The following MYO7B variants were observed in gnomAD, a reference collection of about 807,000 sequenced individuals.
The protein encoded by MYO7B is unconventional myosin-VIIb.
MYO7B carries 212 observed loss-of-function variants against 259.7 expected under a neutral mutation model. The ratio of observed to expected loss-of-function variants is 0.82; its 90% CI spans 0.73 to 0.91. The LOEUF (loss-of-function observed/expected upper bound fraction) is 0.91, where lower values mean the gene tolerates loss of function less well. MYO7B is among the 40% of genes least tolerant of loss of function. The pLI is 0.00. For missense variants in MYO7B, 2,732 were observed against 2,813.5 expected (o/e 0.97, Z 0.66); for synonymous variants, 1,197 against 1,166.4 (o/e 1.03, Z -0.54).
chr2:127,629,580 C>T (rs1366811603), intron 34 of MYO7B, 65 bp from the exon 35 acceptor site: 3 of 1,503,616 alleles, frequency 2.0e-6, no homozygotes, highest in African/African-American at 1.4e-5. Flanking sequence ...AGATGACCCA[C>T]AAAATTCCAG....
chr2:127,616,827 G>A (rs891479505), intron 26 of MYO7B, among the ~76,000 whole-genome samples: 35 of 152,248 alleles, frequency 2.3e-4, no homozygotes, highest in African/African-American at 8.4e-4. Flanking sequence ...CCGACAGGGG[G>A]GTGCCATTTT....
intron 1 of MYO7B, among the ~76,000 whole-genome samples, chr2:127,545,482 G>A (rs1693191470): frequency 6.6e-6 from 1 of 152,208 alleles, no homozygotes; most frequent in African/African-American, 2.4e-5. Context: ...AAGTTACCTA[G>A]CCTCGAGCAG....
intron 1 of MYO7B, among the ~76,000 whole-genome samples, chr2:127,551,094 T>G (rs1178102407): frequency 6.6e-6 from 1 of 150,492 alleles, no homozygotes; most frequent in Non-Finnish European, 1.5e-5. Flanking sequence ...GGGGTGGGGC[T>G]TAAACAATGG....
chr2:127,629,508 T>A (rs925997710), intron 34 of MYO7B, 137 bp from the exon 35 acceptor site: 1 of 778,646 alleles, frequency 1.3e-6, no homozygotes, highest in Non-Finnish European at 2.0e-6. Context: ...AGTCCCACCA[T>A]CGCTCACTCT....
At chr2:127,555,087 A>G (rs557378290) in intron 1 of MYO7B, among the ~76,000 whole-genome samples, 1 of 151,964 alleles carries the variant, frequency 6.6e-6, no homozygotes, top group East Asian at 1.9e-4. Flanking sequence ...AGCTGGGATT[A>G]CAGGTGCCCA....
chr2:127,594,772 C>T (rs939632143), intron 18 of MYO7B, among the ~76,000 whole-genome samples: 4 of 152,082 alleles, frequency 2.6e-5, no homozygotes, highest in African/African-American at 4.8e-5. Context: ...TGGTGAATTA[C>T]GTGTATTGAT....
rs547644596 is a variant in MYO7B at position 127,607,518 on chromosome 2, C to T, written c.2643+94C>T. On this transcript the variant is annotated intron_variant, in intron 21 of 47. Coordinates refer to ENST00000409816, the MANE Select transcript of MYO7B (RefSeq NM_001393586.1). The surrounding 1 kb of genome is among the most constrained non-coding windows in gnomAD (Gnocchi z 4.4). Reference sequence around the variant, plus strand: ...AGTGAGCGGCTGTGTAGAGAGCTCACCAGAAGCGCTTTGGAAAATCCCCCC... The same window carrying T: ...AGTGAGCGGCTGTGTAGAGAGCTCATCAGAAGCGCTTTGGAAAATCCCCCC... The T allele has an allele frequency of 1.4e-3, 1,518 of 1,115,356 alleles. 3 individuals are homozygous for T. Among genetic ancestry groups the T allele is most frequent in the Non-Finnish European group, 1.7e-3 (1,314 of 789,440 alleles). 69.1% of individuals were successfully genotyped at this position (1,115,356 alleles called of 1,614,324 possible).
At chr2:127,579,335 T>C (rs1182510199) in intron 9 of MYO7B, among the ~76,000 whole-genome samples, 7 of 152,176 alleles carry the variant, frequency 4.6e-5, no homozygotes, top group Non-Finnish European at 1.0e-4. Flanking sequence ...TCTAGAGCAA[T>C]GGGGTGTCCA....
chr2:127,558,539 T>C (rs1373369392), intron 1 of MYO7B, among the ~76,000 whole-genome samples: 1 of 152,190 alleles, frequency 6.6e-6, no homozygotes, highest in Non-Finnish European at 1.5e-5. Flanking sequence ...AAAAGATACT[T>C]GCACGCACAT....
At chr2:127,566,603 G>C in intron 4 of MYO7B, 40 bp from the exon 5 acceptor site, 1 of 1,510,994 alleles carries the variant, frequency 6.6e-7, no homozygotes, top group Middle Eastern at 2.1e-4. Context: ...GAGTACCTCT[G>C]CCAGGGGCAG....
chr2:127,551,282 A>G (rs758863220), intron 1 of MYO7B, among the ~76,000 whole-genome samples: 1 of 152,218 alleles, frequency 6.6e-6, no homozygotes, highest in Non-Finnish European at 1.5e-5. Flanking sequence ...GTTGTTGACT[A>G]TAAAATTGTC....
rs1351203221 is a variant in MYO7B at position 127,538,402 on chromosome 2, G to C, written c.-24+2571G>C. On this transcript the variant is annotated intron_variant, in intron 1 of 47. Transcript: ENST00000409816. Reference sequence around the variant, plus strand: ...GTGTGGCTAGTGCAACTGAGGGTCTGAATTTTTAATTCAGCTCATTTAAAT... The same window carrying C: ...GTGTGGCTAGTGCAACTGAGGGTCTCAATTTTTAATTCAGCTCATTTAAAT... Among the ~76,000 whole-genome samples, 7 of 152,254 alleles carry C rather than the reference G, an allele frequency of 4.6e-5. No individual in the cohort carries two copies. In the East Asian group the frequency reaches 7.7e-4, roughly 17 times the overall value.
At chr2:127,620,211 C>T in intron 26 of MYO7B, 129 bp from the exon 27 acceptor site, 1 of 1,102,858 alleles carries the variant, frequency 9.1e-7, no homozygotes, top group Non-Finnish European at 1.3e-6. Flanking sequence ...TGGGCAGGGC[C>T]CCGGCGCTGG....
rs1229743368 is a variant in MYO7B, at chr2:127,565,296, G to A, written c.196G>A (p.Gly66Ser). ...TCCCATGCACCCCAACTCAGTCCAG[G>A]GTGTGGACGACATGATCCGCCTGGG... ...LSPMHPNSVQ[G>S]VDDMIRLGDL... The change falls in exon 4 of 48, where the codon GGT (glycine) becomes AGT (serine). Residue 66 changes from glycine to serine, a missense_variant. Transcript: ENST00000409816. The A allele has an allele frequency of 6.2e-7, 1 of 1,614,020 alleles. No individual in the cohort carries two copies. Among genetic ancestry groups the A allele is most frequent in the Non-Finnish European group, 8.5e-7 (1 of 1,179,882 alleles).
Position 127,568,861 on chromosome 2 carries a change from G to T in MYO7B, c.471-928G>T, listed in dbSNP as rs188978512. Among the ~76,000 whole-genome samples, 1,454 of 150,960 alleles carry T rather than the reference G, an allele frequency of 9.6e-3. 27 individuals are homozygous for T. The highest frequency in any genetic ancestry group is 0.034 in the African/African-American group (1,377 of 40,984). On this transcript the variant is annotated intron_variant, in intron 5 of 47. Coordinates refer to ENST00000409816, the MANE Select transcript of MYO7B (RefSeq NM_001393586.1). ...TGCAGTGAGCTGAGATCGTGCCATTGCACTCCAGCCCAGGCCAACAACAGC... is the reference window on the plus strand; with the variant it reads ...TGCAGTGAGCTGAGATCGTGCCATTTCACTCCAGCCCAGGCCAACAACAGC...
At position 127,559,832 on chromosome 2, in the gene MYO7B, G is replaced by T; in HGVS notation, c.18+92G>T. The T allele has an allele frequency of 8.5e-6, 12 of 1,408,122 alleles. No homozygotes were observed. The highest frequency in any genetic ancestry group is 1.2e-5 in the Non-Finnish European group (12 of 992,792). 87.2% of individuals were successfully genotyped at this position (1,408,122 alleles called of 1,614,324 possible). ...CCCAAGGAAAGAGAGGAAAGGCAAT[G>T]AGACCCTATAGGAAAATACCAGAGA... is the stretch of plus-strand genomic sequence containing the variant. On this transcript the variant is annotated intron_variant, in intron 2 of 47. Transcript: ENST00000409816. The surrounding 1 kb of genome is among the most constrained non-coding windows in gnomAD (Gnocchi z 4.1).
rs780525594 is a variant in MYO7B, at chr2:127,623,265, G to A, written c.3709G>A (p.Val1237Ile). 45 of 1,613,574 alleles carry A rather than the reference G, an allele frequency of 2.8e-5. No homozygotes were observed. Among genetic ancestry groups the A allele is most frequent in the East Asian group, 2.0e-4 (9 of 44,874 alleles). The change falls in exon 29 of 48, where the codon GTC (valine) becomes ATC (isoleucine). Residue 1237 changes from valine to isoleucine, a missense_variant. Transcript: ENST00000409816. ...VILATGESLTVPVDSASTSRE... is the reference protein window; with the variant it reads ...VILATGESLTIPVDSASTSRE... ...CTTGGCCACTGGAGAGAGCCTAACC[G>A]TCCCCGTGGACTCAGCCTCCACATC... is the stretch of plus-strand genomic sequence containing the variant.
At chr2:127,553,542 G>T (rs549888946) in intron 1 of MYO7B, among the ~76,000 whole-genome samples, 50 of 152,290 alleles carry the variant, frequency 3.3e-4, no homozygotes, top group African/African-American at 1.2e-3. Context: ...TTGAGTTCTT[G>T]ATTTGATTCT....
rs959570911 is a variant in MYO7B at position 127,586,451 on chromosome 2, T to C, written c.1690+1538T>C. The stretch of plus-strand genomic sequence containing the variant: ...GGAATCCAGGGATGATTCTTTTGAG[T>C]AGAGGGTGATCATTTAGTCAGAACA... On this transcript the variant is annotated intron_variant, in intron 14 of 47. Transcript: ENST00000409816. This position sits in a 1 kb window ranked among gnomAD's most constrained non-coding sequence, Gnocchi z 4.8. Among the ~76,000 whole-genome samples the C allele has an allele frequency of 2.0e-5, 3 of 151,942 alleles. No individual in the cohort carries two copies. Among genetic ancestry groups the C allele is most frequent in the East Asian group, 3.9e-4 (2 of 5,174 alleles).
Sources: gnomAD v4.1 joint callset for allele counts (sites outside exome capture counted in the v4.1 genomes callset) on GRCh38, gnomAD v4.1.1 for gene constraint, Gnocchi (gnomAD v3.1) non-coding constraint, MANE v1.5 for transcripts, NCBI Gene and HGNC (gene_info 2026-07-23, HGNC 2026-07-21) for gene names.